Variants in WWOX observed in about 807,000 individuals in gnomAD.
WWOX encodes the protein WW domain containing oxidoreductase.
A neutral mutation model predicts 46.2 loss-of-function variants in WWOX; 69 were observed. The observed-to-expected ratio is 1.49, with a 90% CI of 1.23 to 1.82. The LOEUF (loss-of-function observed/expected upper bound fraction) is 1.82, where lower values mean the gene tolerates loss of function less well. Ranked by LOEUF, WWOX falls within the 40% of genes most tolerant of loss-of-function variation. The pLI is 0.00. For missense variants in WWOX, 919 were observed against 542.6 expected (o/e 1.69, Z -6.89); for synonymous variants, 359 against 202.6 (o/e 1.77, Z -6.56).
At chr16:78,162,524 A>G (rs2034830006) in intron 4 of WWOX, among the ~76,000 whole-genome samples, 1 of 152,062 alleles carries the variant, frequency 6.6e-6, no homozygotes, top group Admixed American at 6.6e-5. Context: ...GCACATATAT[A>G]TATACACACA....
At chr16:78,721,525 C>T (rs1597491296) in intron 8 of WWOX, among the ~76,000 whole-genome samples, 1 of 152,160 alleles carries the variant, frequency 6.6e-6, no homozygotes, top group South Asian at 2.1e-4. Context: ...GCTGGGGGAA[C>T]CAGAGTATTT....
chr16:78,974,896 G>C (rs1308788152), intron 8 of WWOX, among the ~76,000 whole-genome samples: 2 of 152,140 alleles, frequency 1.3e-5, no homozygotes, highest in East Asian at 1.9e-4. Flanking sequence ...GAAATGCTCA[G>C]CTGCAAGTCA....
At chr16:78,597,710 T>C (rs2045523311) in intron 8 of WWOX, among the ~76,000 whole-genome samples, 1 of 151,786 alleles carries the variant, frequency 6.6e-6, no homozygotes, top group African/African-American at 2.4e-5. Context: ...CATAAGTTGA[T>C]AGTCAATAAT....
intron 8 of WWOX, among the ~76,000 whole-genome samples, chr16:79,049,783 T>C (rs1224441932): frequency 1.4e-5 from 2 of 145,102 alleles, no homozygotes; most frequent in African/African-American, 2.6e-5. Flanking sequence ...TGCAGTGAGC[T>C]GAGATCATCC....
At chr16:78,403,056 G>A (rs907795659) in intron 6 of WWOX, among the ~76,000 whole-genome samples, 3 of 152,188 alleles carry the variant, frequency 2.0e-5, no homozygotes, top group African/African-American at 7.2e-5. Context: ...GCTGTCAGGG[G>A]CTTCTGAACT....
chr16:78,988,790 C>T (rs1001131717), intron 8 of WWOX, among the ~76,000 whole-genome samples: 1 of 152,144 alleles, frequency 6.6e-6, no homozygotes, highest in Non-Finnish European at 1.5e-5. Context: ...GTCTGTGCCC[C>T]ACTCCCAGCC....
chr16:78,708,598 A>T (rs888383252), intron 8 of WWOX, among the ~76,000 whole-genome samples: 1 of 152,100 alleles, frequency 6.6e-6, no homozygotes, highest in Non-Finnish European at 1.5e-5. Flanking sequence ...AGATTAAAAA[A>T]CCTAGGGGTC....
At chr16:79,141,600 T>C (rs910845060) in intron 8 of WWOX, among the ~76,000 whole-genome samples, 1 of 152,222 alleles carries the variant, frequency 6.6e-6, no homozygotes, top group African/African-American at 2.4e-5. Context: ...ATTTAAGAGA[T>C]TCAAAAATGT....
At chr16:79,030,818 C>T (rs1042263275) in intron 8 of WWOX, among the ~76,000 whole-genome samples, 4 of 152,136 alleles carry the variant, frequency 2.6e-5, no homozygotes, top group Admixed American at 2.6e-4. Flanking sequence ...CATGGTGCCT[C>T]ATTCCTGTAA....
At chr16:78,360,127 A>T (rs1361044089) in intron 5 of WWOX, among the ~76,000 whole-genome samples, 2 of 152,230 alleles carry the variant, frequency 1.3e-5, no homozygotes, top group Non-Finnish European at 2.9e-5. Flanking sequence ...GACAAAAATC[A>T]ACAAAAACTA....
At chr16:79,154,380 C>T (rs1011856799) in intron 8 of WWOX, among the ~76,000 whole-genome samples, 1 of 152,030 alleles carries the variant, frequency 6.6e-6, no homozygotes, top group African/African-American at 2.4e-5. Flanking sequence ...ACTCTGATTC[C>T]TGTCTCCTCT....
intron 8 of WWOX, among the ~76,000 whole-genome samples, chr16:78,756,542 A>T (rs2049653146): frequency 6.6e-6 from 1 of 152,172 alleles, no homozygotes; most frequent in Admixed American, 6.5e-5. Context: ...AAGTTGGAAG[A>T]AGGAATTATT....
intron 8 of WWOX, among the ~76,000 whole-genome samples, chr16:78,668,115 C>T (rs1007997496): frequency 6.6e-6 from 1 of 152,080 alleles, no homozygotes; most frequent in African/African-American, 2.4e-5. Context: ...CCCGTCTCTA[C>T]TAAAAATACA....
intron 8 of WWOX, among the ~76,000 whole-genome samples, chr16:78,450,755 A>G (rs999683415): frequency 1.3e-5 from 2 of 152,220 alleles, no homozygotes; most frequent in African/African-American, 4.8e-5. Context: ...CTCTATAAAT[A>G]TAAAAGAGCA....
At chr16:78,633,223 C>G (rs1033608389) in intron 8 of WWOX, among the ~76,000 whole-genome samples, 1 of 152,194 alleles carries the variant, frequency 6.6e-6, no homozygotes, top group Admixed American at 6.5e-5. Context: ...GATCGTGCCA[C>G]TGCGCTCCAT....
chr16:78,996,370 GCACC>G (rs760167197), intron 8 of WWOX: 5 of 834,714 alleles, frequency 6.0e-6, no homozygotes, highest in Non-Finnish European at 2.7e-6. Context: ...AGTGAATTCT[GCACC>G]CACCCCCGCC....
intron 8 of WWOX, among the ~76,000 whole-genome samples, chr16:78,444,623 C>G (rs374909380): frequency 5.3e-5 from 8 of 151,538 alleles, no homozygotes; most frequent in African/African-American, 1.7e-4. Flanking sequence ...CTCTGCCTCC[C>G]GGGTTCAAGC....
At chr16:78,758,515 G>C (rs906266504) in intron 8 of WWOX, among the ~76,000 whole-genome samples, 4 of 152,188 alleles carry the variant, frequency 2.6e-5, no homozygotes, top group African/African-American at 9.7e-5. Flanking sequence ...GTTTCCCTTT[G>C]TAATGCCAGT....
At chr16:78,345,397 G>T (rs2081075505) in intron 5 of WWOX, among the ~76,000 whole-genome samples, 1 of 95,152 alleles carries the variant, frequency 1.1e-5, no homozygotes, top group Non-Finnish European at 2.4e-5. Flanking sequence ...AAGGTGGGCA[G>T]ATTACTTGAG....
Sources: gnomAD v4.1 joint callset for allele counts (sites outside exome capture counted in the v4.1 genomes callset) on GRCh38, gnomAD v4.1.1 for gene constraint, MANE v1.5 for transcripts, NCBI Gene and HGNC (gene_info 2026-07-23, HGNC 2026-07-21) for gene names.